The following DOCK11 variants were observed in gnomAD, a reference collection of about 807,000 sequenced individuals.
DOCK11 encodes the protein dedicator of cytokinesis protein 11.
In DOCK11, 70 loss-of-function variants were observed where a neutral mutation model predicts 169.1. The ratio of observed to expected loss-of-function variants is 0.41; its 90% CI spans 0.34 to 0.51. DOCK11 has a LOEUF of 0.51. Ranked by LOEUF, DOCK11 falls within the 20% of genes least tolerant of loss-of-function variation. The pLI is 0.10. For synonymous variants in DOCK11, 529 were observed against 541.3 expected, an observed-to-expected ratio of 0.98 and a Z score of 0.32; for missense variants, 1,166 against 1,538.8, an observed-to-expected ratio of 0.76 and a Z score of 4.05.
At chrX:118,623,089 A>G (rs57358146) in intron 31 of DOCK11, among the ~76,000 whole-genome samples, 10,301 of 111,005 alleles carry the variant, frequency 0.093, 410 homozygotes, top group African/African-American at 0.14. Flanking sequence ...GTGGTGGTGG[A>G]TACCTATAAT....
chrX:118,498,565 C>T (rs2057552777), intron 1 of DOCK11, among the ~76,000 whole-genome samples: 1 of 111,814 alleles, frequency 8.9e-6, no homozygotes, highest in Non-Finnish European at 1.9e-5. Context: ...GCTGCCATAA[C>T]TTCTGATTCT....
chrX:118,553,370 T>A (rs1184886554), intron 6 of DOCK11, among the ~76,000 whole-genome samples: 2 of 111,907 alleles, frequency 1.8e-5, no homozygotes, highest in African/African-American at 6.5e-5. Flanking sequence ...TTTCATTTTT[T>A]AAAAAATTGC....
At chrX:118,519,151 G>T (rs1335049045) in intron 1 of DOCK11, among the ~76,000 whole-genome samples, 1 of 111,978 alleles carries the variant, frequency 8.9e-6, no homozygotes, top group African/African-American at 3.2e-5. Context: ...TAATTATGGA[G>T]ACTTACAGCA....
intron 40 of DOCK11, among the ~76,000 whole-genome samples, chrX:118,647,787 A>T (rs1386597448): frequency 3.2e-4 from 9 of 28,005 alleles, no homozygotes; most frequent in East Asian, 1.8e-3. Context: ...ATAATATATA[A>T]TATATTATAA....
intron 8 of DOCK11, 38 bp downstream of exon 8, chrX:118,566,220 C>T (rs753605749): frequency 3.5e-6 from 4 of 1,127,611 alleles, no homozygotes; most frequent in Non-Finnish European, 4.8e-6. Flanking sequence ...GAAGTAAAGC[C>T]CTTGTCTTTA....
chrX:118,638,009 T>A, intron 36 of DOCK11, 71 bp from the exon 37 acceptor site: 1 of 925,844 alleles, frequency 1.1e-6, no homozygotes, highest in South Asian at 2.2e-5. Flanking sequence ...ACTTATGACT[T>A]TTAAAATATC....
chrX:118,505,990 T>G (rs1362139365), intron 1 of DOCK11, among the ~76,000 whole-genome samples: 2 of 112,692 alleles, frequency 1.8e-5, no homozygotes, highest in African/African-American at 6.4e-5. Flanking sequence ...CGTTAGCCTA[T>G]GCCTATAATC....
rs1276306447 is a variant in DOCK11, at chrX:118,584,793, T to C, written c.1654T>C (p.Tyr552His). 1 of 1,201,652 alleles carries C rather than the reference T, an allele frequency of 8.3e-7. No individual in the cohort carries two copies. The highest frequency in any genetic ancestry group is 1.1e-6 in the Non-Finnish European group (1 of 890,912). The change falls in exon 15 of 53, where the codon TAT becomes CAT. Residue 552 changes from tyrosine to histidine, a missense_variant. Coordinates refer to ENST00000276202, the MANE Select transcript of DOCK11 (RefSeq NM_144658.4). Reference sequence around the variant, plus strand: ...TCTGGATGGGAGATTTTCTCCTCTGTATAAACAAGACAGTAGCAAGCTTTC... The same window carrying C: ...TCTGGATGGGAGATTTTCTCCTCTGCATAAACAAGACAGTAGCAAGCTTTC... ...LDLDGRFSPL[Y>H]KQDSSKLSSE... is the part of the protein sequence containing the mutation.
At position 118,584,748 on chromosome X, in the gene DOCK11, G is replaced by A; in HGVS notation, c.1609G>A (p.Asp537Asn). 8.7e-7 allele frequency: 1 copy of A among 1,154,401 alleles called. No homozygotes were observed. The highest frequency in any genetic ancestry group is 1.2e-6 in the Non-Finnish European group (1 of 867,624). The change falls in exon 15 of 53, where the codon GAT becomes AAT. Residue 537 changes from aspartate (D) to asparagine (N), a missense_variant. Transcript: ENST00000276202. ...TTGCTGTTTTAGACCCATTTTCAAA[G>A]ATACTCAAGGCTCTCTTGATCTGGA... ...FAWAARPIFK[D>N]TQGSLDLDGR...
At chrX:118,500,690 G>C (rs770210702) in intron 1 of DOCK11, among the ~76,000 whole-genome samples, 33 of 110,538 alleles carry the variant, frequency 3.0e-4, no homozygotes, top group South Asian at 7.6e-4. Context: ...GTGTAATCAT[G>C]GCTCACTGCA....
At chrX:118,556,706 G>A (rs375935205) in intron 6 of DOCK11, among the ~76,000 whole-genome samples, 23 of 105,680 alleles carry the variant, frequency 2.2e-4, no homozygotes, top group East Asian at 1.8e-3. Flanking sequence ...GCAGTAAGCC[G>A]AGATCACACC....
Position 118,588,252 on chromosome X carries a change from T to G in DOCK11, c.1911T>G (p.Thr637=). Residue 637 remains threonine (T), a synonymous_variant, in exon 17 of 53, where the codon ACT becomes ACG. Transcript: ENST00000276202. ...TGACAAAATATTGTTATCCATTTAC[T>G]ATTTACAAAAACCATCTGTATGTAT... ...PEMTKYCYPF[T]IYKNHLYVYP... 8.3e-7 allele frequency: 1 copy of G among 1,202,386 alleles called. No homozygotes were observed. Among genetic ancestry groups the G allele is most frequent in the Non-Finnish European group, 1.1e-6 (1 of 890,770 alleles).
chrX:118,558,646 A>G (rs1434092462), intron 6 of DOCK11, among the ~76,000 whole-genome samples: 1 of 112,174 alleles, frequency 8.9e-6, no homozygotes, highest in East Asian at 2.8e-4. Context: ...GAAACCCAAC[A>G]TATATCATAA....
At chrX:118,532,780 CAAAA>C (rs140455489) in intron 1 of DOCK11, among the ~76,000 whole-genome samples, 1 of 46,749 alleles carries the variant, frequency 2.1e-5, no homozygotes, top group African/African-American at 9.3e-5. Flanking sequence ...GACTCTGTCT[CAAAA>C]AAAAAAAAAA....
chrX:118,528,476 G>C (rs1437968205), intron 1 of DOCK11, among the ~76,000 whole-genome samples: 1 of 111,546 alleles, frequency 9.0e-6, no homozygotes, highest in Non-Finnish European at 1.9e-5. Flanking sequence ...ACATTGAGAG[G>C]ATAGCATTTT....
intron 1 of DOCK11, among the ~76,000 whole-genome samples, chrX:118,497,232 G>A (rs2057544363): frequency 9.0e-6 from 1 of 111,650 alleles, no homozygotes; most frequent in Admixed American, 9.5e-5. Flanking sequence ...ACTTGTCATC[G>A]GAAGGGAACT....
rs977231560 is a variant in DOCK11, at chrX:118,533,033, CCTG to C, written c.103-9691_103-9689del. On this transcript the variant is annotated intron_variant, in intron 1 of 52. Coordinates refer to ENST00000276202, the MANE Select transcript of DOCK11 (RefSeq NM_144658.4). ...TGAGATGGAGATTCGCTCTTGTTGC[CCTG>C]GCTGGAGTGCAATGTCATGGTCTCC... Among the ~76,000 whole-genome samples, 115 of 110,542 alleles carry C rather than the reference CCTG, an allele frequency of 1.0e-3. 1 individual carries two copies. Among genetic ancestry groups the C allele is most frequent in the African/African-American group, 3.5e-3 (107 of 30,354 alleles).
chrX:118,672,853 C>T lies in DOCK11; in HGVS notation c.5199+1708C>T, dbSNP rs994155833. 1.6e-4 allele frequency among the ~76,000 whole-genome samples: 18 copies of T among 112,585 alleles called. 1 individual carries two copies. The highest frequency in any genetic ancestry group is 1.0e-3 in the Admixed American group (11 of 10,606). ...TGTTTTCATCTCTCCTCCAAACTAG[C>T]TCTGATCAAATTCACTTTTTCTTCC... is the stretch of plus-strand genomic sequence containing the variant. On this transcript the variant is annotated intron_variant, in intron 46 of 52. Coordinates refer to ENST00000276202, the MANE Select transcript of DOCK11 (RefSeq NM_144658.4).
At position 118,662,747 on chromosome X, in the gene DOCK11, A is replaced by G; in HGVS notation, c.5031A>G (p.Gly1677=). The change falls in exon 45 of 53, where the codon GGA becomes GGG. Residue 1677 remains glycine, a synonymous_variant. Transcript: ENST00000276202. ...TTACTCCCAATATAGATGAAGAAGG[A>G]GCAATGAAAGAAGATGCTGGGATGA... The part of the protein sequence containing the change: ...KKITPNIDEE[G]AMKEDAGMMD... The G allele has an allele frequency of 8.3e-7, 1 of 1,202,310 alleles. No homozygotes were observed. The highest frequency in any genetic ancestry group is 1.1e-6 in the Non-Finnish European group (1 of 887,217).
Sources: gnomAD v4.1 joint callset for allele counts (sites outside exome capture counted in the v4.1 genomes callset) on GRCh38, gnomAD v4.1.1 for gene constraint, MANE v1.5 for transcripts, NCBI Gene and HGNC (gene_info 2026-07-23, HGNC 2026-07-21) for gene names.